The following P3H2 variants were observed in gnomAD, a reference collection of about 807,000 sequenced individuals.
The protein encoded by P3H2 is prolyl 3-hydroxylase 2, also known as leprecan-like 1.
A neutral mutation model predicts 87.0 loss-of-function variants in P3H2; 80 were observed. The ratio of observed to expected loss-of-function variants is 0.92; its 90% CI spans 0.77 to 1.11. The LOEUF is 1.11. Among genes scored for constraint, P3H2 ranks in the 50% least tolerant of loss-of-function variants. The pLI is 0.00. For synonymous variants in P3H2, 367 were observed against 359.3 expected, an observed-to-expected ratio of 1.02 and a Z score of -0.24; for missense variants, 1,001 against 923.9, an observed-to-expected ratio of 1.08 and a Z score of -1.08.
chr3:189,995,215 A>G, intron 2 of P3H2, 75 bp downstream of exon 2: 1 of 1,402,806 alleles, frequency 7.1e-7, no homozygotes, highest in Non-Finnish European at 1.0e-6. Flanking sequence ...TCATTCATAG[A>G]AATTTGCTGT....
At chr3:190,016,325 C>T (rs1724752771) in intron 1 of P3H2, among the ~76,000 whole-genome samples, 1 of 149,818 alleles carries the variant, frequency 6.7e-6, no homozygotes, top group South Asian at 2.1e-4. Context: ...CGCACTGCAA[C>T]CTCCACCTCC....
chr3:190,062,522 T>C (rs548372299), intron 1 of P3H2, among the ~76,000 whole-genome samples: 3 of 152,270 alleles, frequency 2.0e-5, no homozygotes, highest in African/African-American at 7.2e-5. Flanking sequence ...GCTTTATCAC[T>C]AAATGTAGAA....
At chr3:189,988,846 G>C in intron 4 of P3H2, 61 bp downstream of exon 4, 1 of 1,592,228 alleles carries the variant, frequency 6.3e-7, no homozygotes, top group Middle Eastern at 1.7e-4. Context: ...ACAAAAATGT[G>C]ATGTCTGTAA....
At position 190,002,432 on chromosome 3, in the gene P3H2, C is replaced by T. The variant is rs1405467785; in HGVS notation, c.481-6990G>A. ...TTTTTTTTTTTTTGAGTTGGAATCT[C>T]GCTCTGTTGCCAGGCTGGAGTGCAA... On this transcript the variant is annotated intron_variant, in intron 1 of 14. Coordinates refer to ENST00000319332, the MANE Select transcript of P3H2 (RefSeq NM_018192.4). 6.8e-5 allele frequency among the ~76,000 whole-genome samples: 10 copies of T among 147,136 alleles called. No homozygotes were observed. The East Asian group carries it at 9.9e-4, about 15-fold the overall frequency.
intron 1 of P3H2, among the ~76,000 whole-genome samples, chr3:190,043,027 T>C (rs1547542): frequency 0.57 from 86,640 of 152,000 alleles, 27,028 homozygotes; most frequent in Admixed American, 0.71. Context: ...CAGAGTACCA[T>C]ACATGGCCTA....
intron 1 of P3H2, among the ~76,000 whole-genome samples, chr3:190,087,522 C>T (rs111856671): frequency 0.11 from 14,703 of 132,974 alleles, 1,647 homozygotes; most frequent in African/African-American, 0.3. Flanking sequence ...CCAGCCTGGG[C>T]GACAGAGCAA....
At chr3:190,065,110 C>T (rs781565404) in intron 1 of P3H2, among the ~76,000 whole-genome samples, 5 of 152,150 alleles carry the variant, frequency 3.3e-5, no homozygotes, top group Non-Finnish European at 7.4e-5. Flanking sequence ...ATTAAAAAAC[C>T]GAGTCTCCCC....
chr3:190,027,944 G>A (rs1175254157), intron 1 of P3H2, among the ~76,000 whole-genome samples: 1 of 149,560 alleles, frequency 6.7e-6, no homozygotes, highest in Non-Finnish European at 1.5e-5. Context: ...CTCTAGCCTG[G>A]GCGACAGAGC....
intron 1 of P3H2, among the ~76,000 whole-genome samples, chr3:190,113,579 C>A (rs1184005598): frequency 6.6e-6 from 1 of 152,212 alleles, no homozygotes; most frequent in Non-Finnish European, 1.5e-5. Context: ...TCCAGCAAGT[C>A]TTCATTTAGG....
chr3:190,033,310 T>A (rs1725316164), intron 1 of P3H2, among the ~76,000 whole-genome samples: 1 of 152,184 alleles, frequency 6.6e-6, no homozygotes, highest in African/African-American at 2.4e-5. Context: ...CTGATTTAAC[T>A]GAATTAGTAA....
intron 1 of P3H2, among the ~76,000 whole-genome samples, chr3:190,056,215 G>T (rs1274492423): frequency 6.6e-6 from 1 of 152,106 alleles, no homozygotes; most frequent in Non-Finnish European, 1.5e-5. Context: ...CTTGATCCCG[G>T]ACTTTTAACT....
chr3:190,057,375 C>A (rs1726192298), intron 1 of P3H2, among the ~76,000 whole-genome samples: 1 of 152,116 alleles, frequency 6.6e-6, no homozygotes, highest in South Asian at 2.1e-4. Flanking sequence ...GGAGTAAGAA[C>A]CATGGAAGGC....
At chr3:189,960,506 T>C (rs1722779624) in intron 14 of P3H2, among the ~76,000 whole-genome samples, 1 of 152,226 alleles carries the variant, frequency 6.6e-6, no homozygotes, top group African/African-American at 2.4e-5. Flanking sequence ...TGCCTCTCCC[T>C]AAAGAAATTG....
chr3:190,097,000 T>C (rs1727608880), intron 1 of P3H2, among the ~76,000 whole-genome samples: 1 of 152,192 alleles, frequency 6.6e-6, no homozygotes, highest in African/African-American at 2.4e-5. Flanking sequence ...GCAAGAGCAC[T>C]GGCCTTGGAG....
At chr3:190,062,749 T>A (rs1053567821) in intron 1 of P3H2, among the ~76,000 whole-genome samples, 1 of 152,130 alleles carries the variant, frequency 6.6e-6, no homozygotes, top group Non-Finnish European at 1.5e-5. Context: ...AAAATGGAAT[T>A]AATAATAGTA....
intron 1 of P3H2, among the ~76,000 whole-genome samples, chr3:190,093,912 G>C (rs1194295286): frequency 1.3e-5 from 2 of 152,148 alleles, no homozygotes; most frequent in African/African-American, 4.8e-5. Flanking sequence ...AAATTCTCAT[G>C]AAGTCATTTA....
At chr3:190,074,779 C>T (rs1273809160) in intron 1 of P3H2, among the ~76,000 whole-genome samples, 1 of 152,168 alleles carries the variant, frequency 6.6e-6, no homozygotes, top group African/African-American at 2.4e-5. Flanking sequence ...TTTTCTCTCA[C>T]TTCCTTATGC....
At chr3:189,972,675 C>T (rs370450836) in intron 11 of P3H2, among the ~76,000 whole-genome samples, 199 bp downstream of exon 11, 20 of 151,968 alleles carry the variant, frequency 1.3e-4, no homozygotes, top group African/African-American at 4.3e-4. Flanking sequence ...ATGTTCAGAA[C>T]GAGGGTTTTC....
At chr3:190,080,406 CT>C (rs199937581) in intron 1 of P3H2, among the ~76,000 whole-genome samples, 5 of 151,490 alleles carry the variant, frequency 3.3e-5, no homozygotes, top group African/African-American at 7.3e-5. Flanking sequence ...TTTTCTTTTC[CT>C]TTTTTTTGAG....
Sources: gnomAD v4.1 joint callset for allele counts (sites outside exome capture counted in the v4.1 genomes callset) on GRCh38, gnomAD v4.1.1 for gene constraint, MANE v1.5 for transcripts, NCBI Gene and HGNC (gene_info 2026-07-23, HGNC 2026-07-21) for gene names.